SULT4A1: variants seen among roughly 807,000 people sequenced by gnomAD.
SULT4A1 encodes the protein sulfotransferase 4A1.
Under a neutral mutation model 35.2 loss-of-function variants are expected in SULT4A1, and 11 were observed. The observed-to-expected ratio is 0.31, with a 90% confidence interval of 0.20 to 0.52. The LOEUF (loss-of-function observed/expected upper bound fraction) is 0.52. SULT4A1 is among the 20% of genes least tolerant of loss of function. The pLI is 0.97. For synonymous variants in SULT4A1, 152 were observed against 151.8 expected, an observed-to-expected ratio of 1.00 and a Z score of -0.01; for missense variants, 271 against 383.7, an observed-to-expected ratio of 0.71 and a Z score of 2.45.
chr22:43,856,366 C>CT (rs565555562), intron 1 of SULT4A1, among the ~76,000 whole-genome samples: 5 of 152,130 alleles, frequency 3.3e-5, no homozygotes, highest in Non-Finnish European at 2.9e-5. Flanking sequence ...ACTAGAGATT[C>CT]TCAGTGCTAC....
intron 1 of SULT4A1, 60 bp downstream of exon 1, chr22:43,862,131 CCCCGGGCGCGGGCGCGGCGTCTA>C: frequency 8.8e-7 from 1 of 1,142,408 alleles, no homozygotes; most frequent in Non-Finnish European, 1.1e-6. Context: ...CCAGCAGAAG[CCCCGGGCGCGGGCGCGGCGTCTA>C]CGCGGCCGCG....
intron 3 of SULT4A1, 58 bp downstream of exon 3, chr22:43,839,887 A>G: frequency 6.6e-7 from 1 of 1,504,684 alleles, no homozygotes; most frequent in South Asian, 1.2e-5. Context: ...TTGCACAGGG[A>G]CCTTGGGCTC....
At position 43,852,137 on chromosome 22, in the gene SULT4A1, C is replaced by T. The variant is rs369601464; in HGVS notation, c.169+10077G>A. On this transcript the variant is annotated intron_variant, in intron 1 of 6. Transcript: ENST00000330884. ...GGGTTCTGGAGTCCCGGGATATCCA[C>T]AGGGATGCCAGAATCCCCCAGCTCC... Among the ~76,000 whole-genome samples the T allele has an allele frequency of 3.9e-5, 6 of 152,306 alleles. No individual in the cohort carries two copies. In the East Asian group the frequency reaches 9.7e-4, roughly 25 times the overall value.
At chr22:43,860,941 T>C (rs987166294) in intron 1 of SULT4A1, among the ~76,000 whole-genome samples, 1 of 152,084 alleles carries the variant, frequency 6.6e-6, no homozygotes, top group East Asian at 1.9e-4. Flanking sequence ...TCCGAACAAT[T>C]TGTGCCTTCT....
rs569286814 is a variant in SULT4A1, at chr22:43,826,357, A to T, written c.743-244T>A. 3.9e-4 allele frequency: 380 copies of T among 985,378 alleles called. 1 individual carries two copies. The African/African-American group carries it at 6.5e-3, about 17-fold the overall frequency. 61.0% of individuals were successfully genotyped at this position (985,378 alleles called of 1,614,324 possible). On this transcript the variant is annotated intron_variant, in intron 6 of 6. Coordinates refer to ENST00000330884, the MANE Select transcript of SULT4A1 (RefSeq NM_014351.4). ...TTCCCTCTGAGGCTGTGGCACAGTG[A>T]GCCACAACCACCTCCTGGTGCCATT...
At chr22:43,826,832 A>G in intron 6 of SULT4A1, 3 of 985,446 alleles carry the variant, frequency 3.0e-6, no homozygotes, top group Non-Finnish European at 3.6e-6. Context: ...CAACAATAAA[A>G]TGAGTCTGGG....
At chr22:43,836,931 C>T (rs1034843205) in intron 4 of SULT4A1, among the ~76,000 whole-genome samples, 4 of 152,256 alleles carry the variant, frequency 2.6e-5, no homozygotes, top group Admixed American at 6.5e-5. Context: ...AAGCCTGTCA[C>T]GGGGCATCCT....
intron 1 of SULT4A1, among the ~76,000 whole-genome samples, chr22:43,853,909 T>C (rs751087515): frequency 7.2e-5 from 11 of 152,266 alleles, no homozygotes; most frequent in East Asian, 3.9e-4. Flanking sequence ...GCTCCGCCCT[T>C]GTGTGAGAGA....
At chr22:43,849,208 G>C (rs886270141) in intron 1 of SULT4A1, among the ~76,000 whole-genome samples, 1 of 152,118 alleles carries the variant, frequency 6.6e-6, no homozygotes, top group African/African-American at 2.4e-5. Context: ...GAATGGCCTG[G>C]AAACCACTAG....
At chr22:43,829,268 C>G in intron 5 of SULT4A1, 70 bp from the exon 6 acceptor site, 2 of 1,442,962 alleles carry the variant, frequency 1.4e-6, no homozygotes, top group Non-Finnish European at 1.8e-6. Context: ...CGACCCCAGG[C>G]TGGGCACACG....
chr22:43,856,944 GCA>G, intron 1 of SULT4A1, among the ~76,000 whole-genome samples: 3 of 152,072 alleles, frequency 2.0e-5, no homozygotes, highest in Admixed American at 2.0e-4. Context: ...AGGCACACGC[GCA>G]CACACACAAA....
At chr22:43,848,550 G>A (rs1332176889) in intron 1 of SULT4A1, among the ~76,000 whole-genome samples, 1 of 152,244 alleles carries the variant, frequency 6.6e-6, no homozygotes, top group East Asian at 1.9e-4. Flanking sequence ...CTTACTGACA[G>A]GGAAACAAGG....
Position 43,862,207 on chromosome 22 carries a change from G to A in SULT4A1, c.169+7C>T, listed in dbSNP as rs2049479950. The A allele has an allele frequency of 2.6e-6, 4 of 1,538,914 alleles. No individual in the cohort carries two copies. The highest frequency in any genetic ancestry group is 3.5e-6 in the Non-Finnish European group (4 of 1,142,984). On this transcript the variant is annotated splice_region_variant and intron_variant, in intron 1 of 6. Transcript: ENST00000330884. ...GGCGTGGCGGGCGCGGTCGGCGCGG[G>A]GCTCACCGGACTTGGGGTAGGTGAC... is the stretch of plus-strand genomic sequence containing the variant.
intron 6 of SULT4A1, chr22:43,827,538 C>A (rs2063296141): frequency 7.3e-7 from 1 of 1,360,566 alleles, no homozygotes; most frequent in Non-Finnish European, 9.8e-7. Context: ...GGAATCAAGA[C>A]AATTTATGCT....
intron 4 of SULT4A1, among the ~76,000 whole-genome samples, chr22:43,838,192 C>T (rs984114265): frequency 2.6e-5 from 4 of 152,184 alleles, no homozygotes; most frequent in African/African-American, 7.2e-5. Flanking sequence ...GGACTGGGAG[C>T]GAGTGGGACC....
intron 5 of SULT4A1, among the ~76,000 whole-genome samples, chr22:43,829,599 G>A (rs755968784): frequency 1.8e-4 from 27 of 152,348 alleles, no homozygotes; most frequent in Admixed American, 1.4e-3. Flanking sequence ...CCTTGGGAGC[G>A]CAGGGAGGCC....
chr22:43,840,452 G>A (rs996803076), intron 2 of SULT4A1, among the ~76,000 whole-genome samples: 1 of 152,116 alleles, frequency 6.6e-6, no homozygotes, highest in East Asian at 1.9e-4. Context: ...AGCACACCCC[G>A]GCTGGACCCT....
At chr22:43,827,755 C>CCACACACACACACACACA (rs3223292) in intron 6 of SULT4A1, 6 of 327,556 alleles carry the variant, frequency 1.8e-5, no homozygotes, top group Non-Finnish European at 3.6e-5. Context: ...CGCTGCTTCA[C>CCACACACACACACACACA]CACACACACA....
chr22:43,836,892 C>T (rs907277478), intron 4 of SULT4A1, among the ~76,000 whole-genome samples: 3 of 152,260 alleles, frequency 2.0e-5, no homozygotes, highest in Non-Finnish European at 2.9e-5. Flanking sequence ...CCTGTCTACA[C>T]AGCGTCCGCA....
Sources: allele counts gnomAD v4.1 joint callset (sites outside exome capture counted in the v4.1 genomes callset), GRCh38; gene constraint gnomAD v4.1.1; transcripts MANE v1.5; gene names NCBI Gene and HGNC (gene_info 2026-07-23, HGNC 2026-07-21).